P2RY12: variants seen among roughly 807,000 people sequenced by gnomAD.
The protein encoded by P2RY12 is P2Y purinoceptor 12.
A neutral mutation model predicts 4.5 loss-of-function variants in P2RY12; 3 were observed. The ratio of observed to expected loss-of-function variants is 0.67; its 90% CI spans 0.31 to 1.74. P2RY12 has a LOEUF of 1.74. P2RY12 is among the 40% of genes most tolerant of loss of function. The probability of loss-of-function intolerance (pLI) is 0.09; values close to 1 mark genes in which losing one functional copy is unlikely to be tolerated. For missense variants in P2RY12, 356 were observed against 407.8 expected (o/e 0.87, Z 1.09); for synonymous variants, 148 against 154.1 (o/e 0.96, Z 0.29).
At chr3:151,344,458 A>G (rs1160451182) in intron 1 of P2RY12, among the ~76,000 whole-genome samples, 1 of 152,200 alleles carries the variant, frequency 6.6e-6, no homozygotes, top group East Asian at 1.9e-4. Context: ...ATTGAAAGAT[A>G]CAGCTGAAAG....
At chr3:151,368,168 C>G in intron 1 of P2RY12, 1 of 1,614,036 alleles carries the variant, frequency 6.2e-7, no homozygotes, top group Non-Finnish European at 8.5e-7. Context: ...GATGCGGACG[C>G]CGAGCCTGGG....
intron 1 of P2RY12, among the ~76,000 whole-genome samples, chr3:151,357,882 A>G (rs533402693): frequency 3.3e-5 from 5 of 152,306 alleles, no homozygotes; most frequent in African/African-American, 7.2e-5. Context: ...GGCTTACTCT[A>G]CTAATGAAGT....
chr3:151,338,206 T>C lies in P2RY12; in HGVS notation c.640A>G (p.Lys214Glu), dbSNP rs746513347. The C allele has an allele frequency of 1.1e-5, 17 of 1,614,128 alleles. No homozygotes were observed. In the Admixed American group the frequency reaches 2.5e-4, roughly 24 times the overall value. ...CTTACGTATGACCGGTACAGTTCTT[T>C]TGTAATGAGTGTATAACATACAATA... ...IVIVCYTLIT[K>E]ELYRSYVRTR... Residue 214 changes from lysine to glutamate, a missense_variant, in exon 3 of 3, where the codon AAA becomes GAA. Transcript: ENST00000302632.
intron 1 of P2RY12, chr3:151,376,302 C>A: frequency 9.3e-7 from 1 of 1,075,286 alleles, no homozygotes; most frequent in Non-Finnish European, 1.3e-6. Context: ...TTTGTCCTTG[C>A]TAATTTGTGA....
rs188983122 is a variant in P2RY12 at position 151,380,563 on chromosome 3, C to T, written c.-180+4129G>A. ...AGTGAGCTGAGATCGCGCCATTGCA[C>T]ACCAGCCTGGGAAACAATAGTGAAA... On this transcript the variant is annotated intron_variant, in intron 1 of 2. Coordinates refer to ENST00000302632, the MANE Select transcript of P2RY12 (RefSeq NM_022788.5). Among the ~76,000 whole-genome samples, 3 of 144,862 alleles carry T rather than the reference C, an allele frequency of 2.1e-5. No homozygotes were observed. In the East Asian group the frequency reaches 6.2e-4, roughly 30 times the overall value.
intron 1 of P2RY12, among the ~76,000 whole-genome samples, chr3:151,342,221 ACATCCTCTC>A (rs1432466808): frequency 6.6e-6 from 1 of 152,162 alleles, no homozygotes; most frequent in Admixed American, 6.6e-5. Context: ...CTATTTCTCC[ACATCCTCTC>A]CAACACCTGT....
At chr3:151,368,162 C>G in intron 1 of P2RY12, 1 of 1,613,786 alleles carries the variant, frequency 6.2e-7, no homozygotes, top group Non-Finnish European at 8.5e-7. Flanking sequence ...TGTGGGGATG[C>G]GGACGCCGAG....
intron 1 of P2RY12, among the ~76,000 whole-genome samples, chr3:151,354,701 A>G (rs1316920742): frequency 6.6e-6 from 1 of 152,216 alleles, no homozygotes; most frequent in African/African-American, 2.4e-5. Flanking sequence ...ACAGTAACAC[A>G]TTGGAATACT....
Position 151,382,687 on chromosome 3 carries a change from A to C in P2RY12, c.-180+2005T>G, listed in dbSNP as rs753742161. The C allele has an allele frequency of 1.2e-6, 2 of 1,612,556 alleles. No homozygotes were observed. Among genetic ancestry groups the C allele is most frequent in the Non-Finnish European group, 1.7e-6 (2 of 1,179,276 alleles). ...AGTAACTGGAGAGAAGAACGATACC[A>C]AGATGACATAAAAGCGCGGCAGATG... is the stretch of plus-strand genomic sequence containing the variant. On this transcript the variant is annotated intron_variant, in intron 1 of 2. Coordinates refer to ENST00000302632, the MANE Select transcript of P2RY12 (RefSeq NM_022788.5).
chr3:151,360,720 A>G, intron 1 of P2RY12: 1 of 972,054 alleles, frequency 1.0e-6, no homozygotes, highest in South Asian at 1.7e-5. Context: ...TGTATCTATT[A>G]GGCAGTAATT....
At chr3:151,356,111 G>A (rs1022110994) in intron 1 of P2RY12, 49 of 1,472,688 alleles carry the variant, frequency 3.3e-5, no homozygotes, top group Non-Finnish European at 4.0e-5. Context: ...TTTAAAGTGA[G>A]CCAATTAGCT....
chr3:151,369,361 C>A, intron 1 of P2RY12: 2 of 1,015,412 alleles, frequency 2.0e-6, no homozygotes, highest in South Asian at 1.7e-5. Context: ...CAATGAAAGG[C>A]TGACTGCCTG....
chr3:151,366,080 T>C, intron 1 of P2RY12: 1 of 1,098,972 alleles, frequency 9.1e-7, no homozygotes, highest in Non-Finnish European at 1.2e-6. Flanking sequence ...TTTATTTAAT[T>C]GATTCAACTG....
chr3:151,344,091 G>A lies in P2RY12; in HGVS notation c.-179-3331C>T, dbSNP rs139359254. ...CGAGTCTTGGGCATTGAAATATTTC[G>A]CAAAAATGAATGCCGTCTTTTGTGA... On this transcript the variant is annotated intron_variant, in intron 1 of 2. Coordinates refer to ENST00000302632, the MANE Select transcript of P2RY12 (RefSeq NM_022788.5). 7.2e-4 allele frequency among the ~76,000 whole-genome samples: 110 copies of A among 151,966 alleles called. 1 individual carries two copies. The highest frequency in any genetic ancestry group is 2.3e-3 in the African/African-American group (97 of 41,462).
chr3:151,384,322 C>T, intron 1 of P2RY12: 1 of 1,189,544 alleles, frequency 8.4e-7, no homozygotes, highest in Non-Finnish European at 1.1e-6. Context: ...TTGTATTCAA[C>T]TTAATTTAAT....
chr3:151,376,292 T>G, intron 1 of P2RY12: 1 of 1,151,528 alleles, frequency 8.7e-7, no homozygotes, highest in Non-Finnish European at 1.2e-6. Flanking sequence ...CCTCTCTTTT[T>G]TTGTCCTTGC....
chr3:151,369,653 C>A, intron 1 of P2RY12: 1 of 698,714 alleles, frequency 1.4e-6, no homozygotes, highest in Non-Finnish European at 2.3e-6. Flanking sequence ...AAACATGATA[C>A]TGTTTGATCG....
intron 1 of P2RY12, chr3:151,360,670 A>G (rs1754496855): frequency 1.4e-6 from 2 of 1,419,292 alleles, no homozygotes; most frequent in Non-Finnish European, 1.9e-6. Context: ...TGACCCTGAC[A>G]ATATTGTCAT....
chr3:151,382,398 A>T (rs764125448), intron 1 of P2RY12, among the ~76,000 whole-genome samples: 1 of 152,176 alleles, frequency 6.6e-6, no homozygotes, highest in Non-Finnish European at 1.5e-5. Flanking sequence ...GGCCCTCTCA[A>T]GCATTTTCCC....
Sources: gnomAD v4.1 joint callset for allele counts (sites outside exome capture counted in the v4.1 genomes callset) on GRCh38, gnomAD v4.1.1 for gene constraint, MANE v1.5 for transcripts, NCBI Gene and HGNC (gene_info 2026-07-23, HGNC 2026-07-21) for gene names.